Variants in DSG1 observed in about 807,000 individuals in gnomAD.
DSG1 encodes desmoglein 1, also known as desmoglein-1.
A neutral mutation model predicts 97.5 loss-of-function variants in DSG1; 39 were observed. The observed-to-expected ratio is 0.40, with a 90% confidence interval of 0.31 to 0.52. The LOEUF (loss-of-function observed/expected upper bound fraction) is 0.52, where lower values mean the gene tolerates loss of function less well. Ranked by LOEUF, DSG1 falls within the 20% of genes least tolerant of loss-of-function variation. DSG1 has a pLI of 0.53. For missense variants in DSG1, 1,311 were observed against 1,295.4 expected (o/e 1.01, Z -0.18); for synonymous variants, 475 against 443.4 (o/e 1.07, Z -0.90).
chr18:31,347,695 A>G (rs974463618), intron 14 of DSG1: 22 of 152,206 alleles, frequency 1.4e-4, no homozygotes, highest in Admixed American at 1.3e-3. Context: ...GAGAGATTAT[A>G]TTTTTTAAAA....
At chr18:31,322,857 T>C (rs1381780682) in intron 1 of DSG1, among the ~76,000 whole-genome samples, 1 of 152,222 alleles carries the variant, frequency 6.6e-6, no homozygotes, top group Middle Eastern at 3.2e-3. Context: ...ATTTTTATTA[T>C]GTGCAAGGAA....
In DSG1 at chr18:31,354,809, A is replaced by G; in HGVS notation, c.2613A>G (p.Pro871=). The G allele has an allele frequency of 6.2e-7, 1 of 1,614,150 alleles. No homozygotes were observed. Among genetic ancestry groups the G allele is most frequent in the African/African-American group, 1.3e-5 (1 of 75,046 alleles). ...TAGTGACAGAGAGAGTGGTCGGCCCAATCTCTGGCGCTGATTTGCATGGAA... is the reference window on the plus strand; with the variant it reads ...TAGTGACAGAGAGAGTGGTCGGCCCGATCTCTGGCGCTGATTTGCATGGAA... ...NVVVTERVVG[P]ISGADLHGML... Residue 871 remains proline, a synonymous_variant, in exon 15 of 15, where the codon CCA becomes CCG. Coordinates refer to ENST00000257192, the MANE Select transcript of DSG1 (RefSeq NM_001942.4).
chr18:31,330,175 T>C (rs1241063078), intron 5 of DSG1, 139 bp downstream of exon 5: 1 of 1,107,182 alleles, frequency 9.0e-7, no homozygotes, highest in Non-Finnish European at 1.3e-6. Context: ...TCCTTTCAAC[T>C]ACGGAAGCAG....
At position 31,345,995 on chromosome 18, in the gene DSG1, T is replaced by A. The variant is rs1568046449; in HGVS notation, c.1897T>A (p.Tyr633Asn). The change falls in exon 14 of 15, where the codon TAT becomes AAT. Residue 633 changes from tyrosine (Y) to asparagine (N), a missense_variant. This residue lies in a region of DSG1 where 1,038 missense variants were observed against 964.6 expected (regional missense o/e 1.08). Coordinates refer to ENST00000257192, the MANE Select transcript of DSG1 (RefSeq NM_001942.4). The part of the protein sequence containing the change: ...IIECIDNSGV[Y>N]TNEYGGREMQ... Reference sequence around the variant, plus strand: ...AATTTGATCAACACTTTTAGGAGTTTATACAAATGAGTATGGTGGCAGAGA... The same window carrying A: ...AATTTGATCAACACTTTTAGGAGTTAATACAAATGAGTATGGTGGCAGAGA... 10 of 1,613,170 alleles carry A rather than the reference T, an allele frequency of 6.2e-6. No individual in the cohort carries two copies. Among genetic ancestry groups the A allele is most frequent in the Non-Finnish European group, 7.6e-6 (9 of 1,179,400 alleles).
intron 10 of DSG1, 150 bp downstream of exon 10, chr18:31,338,604 A>G: frequency 1.3e-6 from 1 of 779,090 alleles, no homozygotes; most frequent in Non-Finnish European, 2.1e-6. Context: ...TAACAACTTG[A>G]GGCAGTATAA....
intron 1 of DSG1, among the ~76,000 whole-genome samples, chr18:31,325,998 C>T (rs1407909459): frequency 6.6e-6 from 1 of 151,914 alleles, no homozygotes; most frequent in Non-Finnish European, 1.5e-5. Flanking sequence ...AGAGTAATAA[C>T]AATCATAATT....
In DSG1 at chr18:31,354,580, G is replaced by T. The variant is rs753131024; in HGVS notation, c.2384G>T (p.Gly795Val). The T allele has an allele frequency of 9.9e-6, 16 of 1,614,156 alleles. No homozygotes were observed. Among genetic ancestry groups the T allele is most frequent in the Admixed American group, 1.7e-5 (1 of 60,026 alleles). The part of the protein sequence containing the change: ...LPQETEPVVS[G>V]HPPISPHFGT... The stretch of plus-strand genomic sequence containing the variant: ...CAGGAAACAGAGCCCGTTGTTAGTG[G>T]ACACCCACCAATCTCCCCACATTTC... The change falls in exon 15 of 15, where the codon GGA (glycine) becomes GTA (valine). Residue 795 changes from glycine to valine, a missense_variant. Physicochemically the swap from Gly to Val is moderately radical, Grantham distance 109. This residue lies in a region of DSG1 where 1,038 missense variants were observed against 964.6 expected (regional missense o/e 1.08). Coordinates refer to ENST00000257192, the MANE Select transcript of DSG1 (RefSeq NM_001942.4).
At chr18:31,352,467 G>A (rs1489988235) in intron 14 of DSG1, among the ~76,000 whole-genome samples, 2 of 150,524 alleles carry the variant, frequency 1.3e-5, no homozygotes, top group Non-Finnish European at 2.9e-5. Context: ...CTCTTCTCGA[G>A]GAGTATCTTT....
At chr18:31,326,707 TAAGTC>T (rs1283031637) in intron 2 of DSG1, 91 bp downstream of exon 2, 1 of 1,349,374 alleles carries the variant, frequency 7.4e-7, no homozygotes, top group African/African-American at 1.4e-5. Flanking sequence ...TGTATTCTCA[TAAGTC>T]AAGTTCATAT....
chr18:31,355,184 AAGT>A lies in DSG1; in HGVS notation c.2989_2991del (p.Ser997del). ...GCGGTGCCCTGAGTGGAGCTGGCAT[AAGT>A]GGTGGTGGCATTGGCCTGAGCAGCT... On this transcript the variant is annotated inframe_deletion, in exon 15 of 15. Transcript: ENST00000257192. The A allele has an allele frequency of 6.2e-7, 1 of 1,603,588 alleles. No individual in the cohort carries two copies. The highest frequency in any genetic ancestry group is 8.5e-7 in the Non-Finnish European group (1 of 1,173,624).
At chr18:31,323,770 C>T (rs1281261623) in intron 1 of DSG1, among the ~76,000 whole-genome samples, 3 of 152,082 alleles carry the variant, frequency 2.0e-5, no homozygotes, top group Non-Finnish European at 4.4e-5. Context: ...GTGCATGTTC[C>T]ATCCAGCTAA....
chr18:31,342,898 AT>A (rs57090132), intron 11 of DSG1, among the ~76,000 whole-genome samples: 15,396 of 82,598 alleles, frequency 0.19, 1,218 homozygotes, highest in African/African-American at 0.31. Flanking sequence ...ACTATCTGTG[AT>A]TTTTTTTTTT....
chr18:31,359,107 G>C lies in DSG1; in HGVS notation c.*3761G>C, dbSNP rs1160371898. 6.6e-6 allele frequency among the ~76,000 whole-genome samples: 1 copy of C among 152,028 alleles called. No homozygotes were observed. Among genetic ancestry groups the C allele is most frequent in the Non-Finnish European group, 1.5e-5 (1 of 67,990 alleles). ...TCATCTCTGGTGGTGTTTAACACAA[G>C]GTTCTCTTATTCAAGTTTCAATATA... On this transcript the variant is annotated 3_prime_UTR_variant, in exon 15 of 15. Transcript: ENST00000257192.
intron 5 of DSG1, among the ~76,000 whole-genome samples, chr18:31,330,316 G>A (rs142057808): frequency 6.6e-6 from 1 of 152,176 alleles, no homozygotes; most frequent in African/African-American, 2.4e-5. Context: ...TGGTGGCAGA[G>A]GCATCGGGAT....
In DSG1 at chr18:31,355,481, A is replaced by C. The variant is rs2071949144; in HGVS notation, c.*135A>C. ...AGGAGCAAGGTGAGAAATCACAATG[A>C]GAAAAATAAATGGAAACACCACTGC... On this transcript the variant is annotated 3_prime_UTR_variant, in exon 15 of 15. Transcript: ENST00000257192. 1 of 885,590 alleles carries C rather than the reference A, an allele frequency of 1.1e-6. No individual in the cohort carries two copies. Among genetic ancestry groups the C allele is most frequent in the Admixed American group, 2.0e-5 (1 of 48,904 alleles). The allele number at this position is 885,590 out of a possible 1,614,324, so 54.9% of individuals were successfully genotyped here.
intron 14 of DSG1, among the ~76,000 whole-genome samples, chr18:31,352,570 A>G (rs1359288248): frequency 6.7e-6 from 1 of 150,066 alleles, no homozygotes; most frequent in Non-Finnish European, 1.5e-5. Flanking sequence ...AGTGTTTTCC[A>G]ACTTGGTTCC....
Position 31,329,979 on chromosome 18 carries a change from C to G in DSG1, c.460C>G (p.Pro154Ala), listed in dbSNP as rs371978779. The G allele has an allele frequency of 1.5e-5, 24 of 1,613,148 alleles. No homozygotes were observed. The East Asian group carries it at 4.9e-4, about 33-fold the overall frequency. ...RVRVLDINDN[P>A]PVFSMATFAG... ...CAGGGTTTTGGATATAAATGACAAC[C>G]CTCCAGTGTTTTCAATGGCTACATT... Residue 154 changes from proline (P) to alanine (A), a missense_variant, in exon 5 of 15, where the codon CCT becomes GCT. Transcript: ENST00000257192.
At chr18:31,331,586 T>C in intron 5 of DSG1, 115 bp from the exon 6 acceptor site, 1 of 884,688 alleles carries the variant, frequency 1.1e-6, no homozygotes, top group Non-Finnish European at 1.8e-6. Flanking sequence ...GGGAAGACAG[T>C]GAAGTCCACA....
Position 31,354,752 on chromosome 18 carries a change from C to A in DSG1, c.2556C>A (p.His852Gln). ...CTGACACTCTGAAGCCCTCTGTGCA[C>A]GTTCACGATAACCGACCAGCATCAA... ...TTSDTLKPSV[H>Q]VHDNRPASNV... Residue 852 changes from histidine (H) to glutamine (Q), a missense_variant, in exon 15 of 15, where the codon CAC becomes CAA. Physicochemically the swap from His to Gln is conservative, Grantham distance 24 (BLOSUM62 0). This residue lies in a region of DSG1 where 1,038 missense variants were observed against 964.6 expected (regional missense o/e 1.08). Coordinates refer to ENST00000257192, the MANE Select transcript of DSG1 (RefSeq NM_001942.4). 1 of 1,614,082 alleles carries A rather than the reference C, an allele frequency of 6.2e-7. No homozygotes were observed. The highest frequency in any genetic ancestry group is 8.5e-7 in the Non-Finnish European group (1 of 1,180,016).
Sources: gnomAD v4.1 joint callset for allele counts (sites outside exome capture counted in the v4.1 genomes callset) on GRCh38, gnomAD v4.1.1 for gene constraint, gnomAD v4.1.1 regional missense constraint, MANE v1.5 for transcripts, NCBI Gene and HGNC (gene_info 2026-07-23, HGNC 2026-07-21) for gene names.